Variants in MICAL3 observed in about 807,000 individuals in gnomAD.
The protein encoded by MICAL3 is microtubule associated monooxygenase, calponin and LIM domain containing 3, also known as [F-actin]-monooxygenase MICAL3.
Under a neutral mutation model 207.4 loss-of-function variants are expected in MICAL3, and 62 were observed. The observed-to-expected ratio is 0.30, with a 90% confidence interval of 0.24 to 0.37. MICAL3 has a LOEUF of 0.37. Among genes scored for constraint, MICAL3 ranks in the 10% least tolerant of loss-of-function variants. The pLI is 1.00. For synonymous variants in MICAL3, 1,077 were observed against 1,069.3 expected (o/e 1.01, Z -0.14); for missense variants, 2,368 against 2,635.6 (o/e 0.90, Z 2.22).
chr22:17,888,281 T>C (rs1001687260), intron 13 of MICAL3, among the ~76,000 whole-genome samples: 1 of 152,088 alleles, frequency 6.6e-6, no homozygotes, highest in African/African-American at 2.4e-5. Flanking sequence ...TAAATCCAGG[T>C]CAGACCCCAC....
chr22:17,882,733 C>T (rs766405500), intron 16 of MICAL3, among the ~76,000 whole-genome samples: 2 of 152,176 alleles, frequency 1.3e-5, no homozygotes, highest in Admixed American at 6.5e-5. Flanking sequence ...GGGTTCTCAC[C>T]GCTAACGATT....
intron 19 of MICAL3, chr22:17,863,940 A>G (rs1055178080): frequency 5.1e-6 from 5 of 985,332 alleles, no homozygotes; most frequent in Admixed American, 6.1e-5. Flanking sequence ...TGTTTTGAAC[A>G]AGAGGAAAGT....
At position 17,817,411 on chromosome 22, in the gene MICAL3, G is replaced by A. The variant is rs764230346; in HGVS notation, c.5250C>T (p.Asp1750=). The change falls in exon 26 of 32, where the codon GAC becomes GAT. Residue 1750 remains aspartate (D), a synonymous_variant. Coordinates refer to ENST00000441493, the MANE Select transcript of MICAL3 (RefSeq NM_015241.3). The part of the protein sequence containing the change: ...WKSVFSGYKK[D]KKKKADDKSC... ...ACTTGTCGTCGGCCTTCTTCTTCTTGTCCTTCTTGTACCCGGAGAAGACGG... is the reference window on the plus strand; with the variant it reads ...ACTTGTCGTCGGCCTTCTTCTTCTTATCCTTCTTGTACCCGGAGAAGACGG... 6.2e-7 allele frequency: 1 copy of A among 1,613,472 alleles called. No homozygotes were observed. The highest frequency in any genetic ancestry group is 1.3e-5 in the African/African-American group (1 of 75,052).
intron 1 of MICAL3, among the ~76,000 whole-genome samples, chr22:17,987,776 CAAT>C (rs1602355285): frequency 6.7e-6 from 1 of 150,036 alleles, no homozygotes; most frequent in African/African-American, 2.4e-5. Flanking sequence ...TAAAGGGGCA[CAAT>C]GTCTTCAATT....
chr22:17,964,210 GCCTCTCCTC>G (rs1935046478), intron 1 of MICAL3, among the ~76,000 whole-genome samples: 1 of 152,192 alleles, frequency 6.6e-6, no homozygotes. Flanking sequence ...CAAAAAATCT[GCCTCTCCTC>G]AGCTCAAGAG....
chr22:17,832,629 G>C (rs1922926296), intron 20 of MICAL3, among the ~76,000 whole-genome samples: 1 of 152,166 alleles, frequency 6.6e-6, no homozygotes, highest in Admixed American at 6.5e-5. Flanking sequence ...CCATGACCCT[G>C]GGAATTGAGA....
intron 29 of MICAL3, among the ~76,000 whole-genome samples, chr22:17,800,947 C>T (rs893500860): frequency 6.6e-6 from 1 of 152,154 alleles, no homozygotes; most frequent in Non-Finnish European, 1.5e-5. Flanking sequence ...CTAAAGTCCA[C>T]AAGAGACTCC....
chr22:17,929,587 T>TTTG (rs59167801), intron 1 of MICAL3, among the ~76,000 whole-genome samples: 1 of 145,386 alleles, frequency 6.9e-6, no homozygotes, highest in Non-Finnish European at 1.5e-5. Flanking sequence ...TTTTTTTTTT[T>TTTG]GACAGGGTCT....
intron 29 of MICAL3, among the ~76,000 whole-genome samples, chr22:17,804,524 A>G (rs1454745742): frequency 1.3e-5 from 2 of 152,200 alleles, no homozygotes; most frequent in Non-Finnish European, 2.9e-5. Flanking sequence ...TTCTTCCCCC[A>G]GGCACTCGGC....
rs758020189 is a variant in MICAL3 at position 17,818,915 on chromosome 22, G to T, written c.3746C>A (p.Ala1249Glu). The part of the protein sequence containing the change: ...PGSPQPQPPV[A>E]ASTPPPSPLP... ...TGGGCTGGGTGGGGGCGTGGAGGCC[G>T]CCACGGGTGGCTGGGGCTGCGGGCT... The change falls in exon 26 of 32, where the codon GCG (alanine) becomes GAG (glutamate). Residue 1249 changes from alanine to glutamate, a missense_variant. Around this residue, in one of 4 missense-constraint regions of MICAL3, gnomAD observed 1,770 missense variants for 1,863.2 expected, o/e 0.95. Coordinates refer to ENST00000441493, the MANE Select transcript of MICAL3 (RefSeq NM_015241.3). 1.3e-6 allele frequency: 2 copies of T among 1,568,432 alleles called. No individual in the cohort carries two copies. Among genetic ancestry groups the T allele is most frequent in the African/African-American group, 2.7e-5 (2 of 73,640 alleles).
At chr22:17,811,145 G>A (rs1250674344) in intron 27 of MICAL3, 3 of 208,184 alleles carry the variant, frequency 1.4e-5, no homozygotes, top group Non-Finnish European at 2.9e-5. Context: ...ACAATAAAGG[G>A]ACACACGCTC....
chr22:17,979,590 CT>C (rs1315669677), intron 1 of MICAL3, among the ~76,000 whole-genome samples: 1 of 152,038 alleles, frequency 6.6e-6, no homozygotes, highest in African/African-American at 2.4e-5. Context: ...GATGTTGAGT[CT>C]TTTTACCAAA....
intron 29 of MICAL3, among the ~76,000 whole-genome samples, chr22:17,794,502 G>A (rs1055933453): frequency 2.6e-5 from 4 of 152,236 alleles, no homozygotes; most frequent in African/African-American, 4.8e-5. Context: ...TCACACCTGC[G>A]CTCCTTCAAA....
At chr22:17,820,919 A>C (rs951790740) in intron 25 of MICAL3, among the ~76,000 whole-genome samples, 14 of 141,426 alleles carry the variant, frequency 9.9e-5, no homozygotes, top group African/African-American at 3.6e-4. Context: ...TATATTTATA[A>C]ACATAAATTT....
chr22:17,939,743 C>T (rs1933721612), intron 1 of MICAL3, among the ~76,000 whole-genome samples: 1 of 152,190 alleles, frequency 6.6e-6, no homozygotes, highest in South Asian at 2.1e-4. Flanking sequence ...AACCAGGCTC[C>T]TATCTTCCTA....
intron 16 of MICAL3, chr22:17,875,555 C>T (rs1339324097): frequency 1.9e-6 from 3 of 1,539,500 alleles, no homozygotes; most frequent in Admixed American, 4.1e-5. Flanking sequence ...CAGGCTCTGG[C>T]TATAAAATAC....
At chr22:17,958,556 C>T (rs966675432) in intron 1 of MICAL3, among the ~76,000 whole-genome samples, 7 of 152,168 alleles carry the variant, frequency 4.6e-5, no homozygotes, top group African/African-American at 1.2e-4. Flanking sequence ...AGGGAGCCCT[C>T]GACAGGGCAA....
intron 10 of MICAL3, among the ~76,000 whole-genome samples, chr22:17,894,229 C>T (rs1194917894): frequency 6.6e-6 from 1 of 151,756 alleles, no homozygotes; most frequent in African/African-American, 2.4e-5. Context: ...CTGGGAAACA[C>T]AGGGAGGCCT....
intron 1 of MICAL3, among the ~76,000 whole-genome samples, chr22:17,973,077 G>A (rs556779178): frequency 1.1e-3 from 160 of 152,356 alleles, no homozygotes; most frequent in Middle Eastern, 6.8e-3. Context: ...CTGTGACTCC[G>A]AGCCTACTTG....
Sources: allele counts gnomAD v4.1 joint callset (sites outside exome capture counted in the v4.1 genomes callset), GRCh38; gene constraint gnomAD v4.1.1; regional missense constraint gnomAD v4.1.1; transcripts MANE v1.5; gene names NCBI Gene and HGNC (gene_info 2026-07-23, HGNC 2026-07-21).